Variants in NBEA observed in about 807,000 individuals in gnomAD.
NBEA encodes lysosomal-trafficking regulator 2.
In NBEA, 44 loss-of-function variants were observed where a neutral mutation model predicts 343.4. That is an observed-to-expected ratio of 0.13 (90% confidence interval 0.10 to 0.16). The LOEUF is 0.16. NBEA is among the 10% of genes least tolerant of loss of function. NBEA has a pLI of 1.00. For missense variants in NBEA, 2,555 were observed against 3,631.3 expected, an observed-to-expected ratio of 0.70 and a Z score of 7.62; for synonymous variants, 1,175 against 1,238.7, an observed-to-expected ratio of 0.95 and a Z score of 1.08.
At chr13:35,187,110 A>G (rs930349347) in intron 30 of NBEA, among the ~76,000 whole-genome samples, 1 of 152,012 alleles carries the variant, frequency 6.6e-6, no homozygotes, top group African/African-American at 2.4e-5. Flanking sequence ...ATAAAATTTC[A>G]TATTTTATTT....
intron 11 of NBEA, among the ~76,000 whole-genome samples, chr13:35,101,191 T>C (rs2065630529): frequency 6.6e-6 from 1 of 152,030 alleles, no homozygotes; most frequent in African/African-American, 2.4e-5. Flanking sequence ...TGTGGACATA[T>C]GTTTTTATTT....
chr13:35,465,343 T>A (rs2075345700), intron 40 of NBEA, among the ~76,000 whole-genome samples: 1 of 152,194 alleles, frequency 6.6e-6, no homozygotes, highest in Non-Finnish European at 1.5e-5. Context: ...TTCAATTAGC[T>A]TGTGCCAAAT....
intron 1 of NBEA, among the ~76,000 whole-genome samples, chr13:35,013,371 G>A (rs998647171): frequency 3.3e-5 from 5 of 151,922 alleles, no homozygotes; most frequent in African/African-American, 1.2e-4. Context: ...AAGATAAATG[G>A]AAAAGATTTA....
At chr13:35,317,610 A>G (rs2037832266) in intron 36 of NBEA, among the ~76,000 whole-genome samples, 1 of 152,126 alleles carries the variant, frequency 6.6e-6, no homozygotes, top group African/African-American at 2.4e-5. Flanking sequence ...TTCCATATTA[A>G]ATTGAAAGTA....
intron 8 of NBEA, among the ~76,000 whole-genome samples, chr13:35,061,839 G>A (rs1456748355): frequency 1.3e-5 from 2 of 151,638 alleles, no homozygotes; most frequent in Non-Finnish European, 3.0e-5. Flanking sequence ...ATAGGGTTAT[G>A]GAGATTGAAT....
In NBEA at chr13:35,195,884, G is replaced by T; in HGVS notation, c.4948G>T (p.Asp1650Tyr). 1.3e-6 allele frequency: 2 copies of T among 1,597,150 alleles called. No individual in the cohort carries two copies. Among genetic ancestry groups the T allele is most frequent in the South Asian group, 2.3e-5 (2 of 87,196 alleles). ...TACAGAAACACCTGCTGCATTTCCA[G>T]ACACCATAAAAGAAAAAGAAACACC... Reference protein sequence around the residue: ...FYKETPAAFPDTIKEKETPTP... With the variant: ...FYKETPAAFPYTIKEKETPTP... Residue 1650 changes from aspartate (D) to tyrosine (Y), a missense_variant, in exon 31 of 59, where the codon GAC (aspartate) becomes TAC (tyrosine). By Grantham distance (160) the Asp-to-Tyr change is radical. Transcript: ENST00000379939.
intron 1 of NBEA, among the ~76,000 whole-genome samples, chr13:34,970,352 G>C (rs1487989161): frequency 1.3e-5 from 2 of 151,974 alleles, no homozygotes; most frequent in Admixed American, 1.3e-4. Context: ...TAGGTTGTCT[G>C]TTTACCCTGT....
At chr13:35,226,684 CT>C (rs74262863) in intron 33 of NBEA, among the ~76,000 whole-genome samples, 12,104 of 132,096 alleles carry the variant, frequency 0.092, 455 homozygotes, top group South Asian at 0.14. Context: ...TGTTCTACAT[CT>C]TTTTTTTTTT....
chr13:35,631,638 T>TTAAA (rs1043794878), intron 49 of NBEA, among the ~76,000 whole-genome samples: 2 of 126,488 alleles, frequency 1.6e-5, no homozygotes, highest in African/African-American at 6.1e-5. Context: ...GTCTCCTTTG[T>TTAAA]AAAAAAAAAA....
chr13:35,266,286 CA>C (rs1407883140), intron 34 of NBEA, among the ~76,000 whole-genome samples: 1 of 151,704 alleles, frequency 6.6e-6, no homozygotes, highest in Non-Finnish European at 1.5e-5. Context: ...GGAGGTTCTT[CA>C]AAAACCTAAA....
chr13:35,302,837 T>G (rs964525580), intron 35 of NBEA, among the ~76,000 whole-genome samples: 2 of 152,172 alleles, frequency 1.3e-5, no homozygotes, highest in Non-Finnish European at 2.9e-5. Flanking sequence ...TAATAAAACC[T>G]GTCTCTTCCT....
chr13:35,415,009 C>G (rs1296109413), intron 38 of NBEA, among the ~76,000 whole-genome samples: 1 of 152,018 alleles, frequency 6.6e-6, no homozygotes, highest in Admixed American at 6.6e-5. Flanking sequence ...TTTCATGTGT[C>G]TTTTGGCTGC....
At position 35,653,624 on chromosome 13, in the gene NBEA, C is replaced by T. The variant is rs1043061463; in HGVS notation, c.8036-1231C>T. Among the ~76,000 whole-genome samples the T allele has an allele frequency of 3.9e-5, 6 of 152,290 alleles. No individual in the cohort carries two copies. The South Asian group carries it at 1.0e-3, about 26-fold the overall frequency. On this transcript the variant is annotated intron_variant, in intron 53 of 58. Coordinates refer to ENST00000379939, the MANE Select transcript of NBEA (RefSeq NM_001385012.1). ...GGGATTACAGACGTGAGCCACCACG[C>T]GCAGCCTCTTATTCTTAGATTCAAA...
At chr13:35,050,777 T>C (rs907790326) in intron 6 of NBEA, among the ~76,000 whole-genome samples, 4 of 151,982 alleles carry the variant, frequency 2.6e-5, no homozygotes, top group African/African-American at 4.8e-5. Context: ...GACACATTTT[T>C]TTTGTGGGAG....
chr13:35,427,949 T>A (rs910791144), intron 38 of NBEA, among the ~76,000 whole-genome samples: 1 of 152,128 alleles, frequency 6.6e-6, no homozygotes, highest in African/African-American at 2.4e-5. Context: ...CGGGATATAA[T>A]CTCCTCGTGT....
chr13:35,265,902 A>G (rs116967975), intron 34 of NBEA, among the ~76,000 whole-genome samples: 4,710 of 151,980 alleles, frequency 0.031, 103 homozygotes, highest in Non-Finnish European at 0.045. Flanking sequence ...AAAACAAACA[A>G]CAGTTAAGAA....
chr13:35,180,106 T>C (rs1843449629), intron 28 of NBEA, among the ~76,000 whole-genome samples: 1 of 151,754 alleles, frequency 6.6e-6, no homozygotes, highest in Admixed American at 6.6e-5. Context: ...CAAATGCACA[T>C]AAATTATGAA....
At chr13:35,346,939 C>T (rs554614250) in intron 36 of NBEA, among the ~76,000 whole-genome samples, 8 of 152,092 alleles carry the variant, frequency 5.3e-5, no homozygotes, top group East Asian at 1.9e-4. Flanking sequence ...ATTCACCTGT[C>T]GGTTTTTATG....
At chr13:35,079,706 T>A (rs2064288376) in intron 10 of NBEA, among the ~76,000 whole-genome samples, 1 of 152,156 alleles carries the variant, frequency 6.6e-6, no homozygotes, top group Admixed American at 6.6e-5. Flanking sequence ...CATTTGCTGG[T>A]TAGAATAAAA....
Sources: gnomAD v4.1 joint callset for allele counts (sites outside exome capture counted in the v4.1 genomes callset) on GRCh38, gnomAD v4.1.1 for gene constraint, MANE v1.5 for transcripts, NCBI Gene and HGNC (gene_info 2026-07-23, HGNC 2026-07-21) for gene names.